The following PRPF18 variants were observed in gnomAD, a reference collection of about 807,000 sequenced individuals.
PRPF18 encodes the protein pre-mRNA processing factor 18, also known as pre-mRNA-splicing factor 18.
In PRPF18, 38 loss-of-function variants were observed where a neutral mutation model predicts 46.5. That is an observed-to-expected ratio of 0.82 (90% CI 0.63 to 1.07). The LOEUF is 1.07. PRPF18 is among the 50% of genes least tolerant of loss of function. The pLI is 0.00. For synonymous variants in PRPF18, 152 were observed against 146.7 expected (o/e 1.04, Z -0.26); for missense variants, 263 against 410.0 (o/e 0.64, Z 3.10).
the PRPF18 span, chr10:13,651,951 A>C: frequency 1.9e-6 from 3 of 1,596,936 alleles, no homozygotes; most frequent in Non-Finnish European, 2.6e-6. Context: ...CCCATCCAGA[A>C]TGGGTGAGTT....
At chr10:13,654,702 G>A in the PRPF18 span, 3 of 590,254 alleles carry the variant, frequency 5.1e-6, 1 homozygote, top group South Asian at 6.2e-5. Context: ...ATCTCTACAT[G>A]CCCCCCCAAC....
chr10:13,627,394 G>T (rs183391740), intron 9 of PRPF18, among the ~76,000 whole-genome samples: 2 of 152,208 alleles, frequency 1.3e-5, no homozygotes, highest in East Asian at 1.9e-4. Flanking sequence ...TTAGATAAGG[G>T]TATTGCCTTT....
the PRPF18 span, chr10:13,654,748 C>T: frequency 2.7e-5 from 15 of 555,598 alleles, no homozygotes; most frequent in Non-Finnish European, 4.8e-5. Context: ...CTACCCACTA[C>T]CATGCACCTT....
the PRPF18 span, chr10:13,654,493 C>T: frequency 6.2e-7 from 1 of 1,613,664 alleles, no homozygotes; most frequent in Non-Finnish European, 8.5e-7. Flanking sequence ...TCGAGCTTCT[C>T]TGGCTTTGAG....
the PRPF18 span, chr10:13,654,055 C>A: frequency 4.5e-6 from 2 of 440,270 alleles, no homozygotes; most frequent in Non-Finnish European, 8.0e-6. Context: ...CTCTCTTTCT[C>A]CCCCTGACAT....
chr10:13,643,280 C>A, the PRPF18 span: 1 of 152,192 alleles, frequency 6.6e-6, no homozygotes, highest in South Asian at 2.1e-4. Context: ...AAGACGATCC[C>A]TCAAAGCCTA....
the PRPF18 span, chr10:13,641,294 A>C: frequency 3.9e-5 from 6 of 152,292 alleles, no homozygotes; most frequent in East Asian, 1.2e-3. Context: ...GAAGGCCTGG[A>C]GTTGCCTGTA....
chr10:13,618,050 G>C (rs2080370927), intron 9 of PRPF18, among the ~76,000 whole-genome samples: 1 of 152,192 alleles, frequency 6.6e-6, no homozygotes, highest in Non-Finnish European at 1.5e-5. Flanking sequence ...AGAGATGTAT[G>C]TCAGGGGTCT....
At chr10:13,652,114 A>G in the PRPF18 span, 1 of 683,188 alleles carries the variant, frequency 1.5e-6, no homozygotes, top group Non-Finnish European at 2.7e-6. Flanking sequence ...GCAACAGATC[A>G]TACAAGTCAT....
intron 1 of PRPF18, among the ~76,000 whole-genome samples, chr10:13,587,660 C>T (rs1286015676): frequency 6.6e-6 from 1 of 152,218 alleles, no homozygotes; most frequent in African/African-American, 2.4e-5. Context: ...CAGACCGAAC[C>T]CTTCATCCAG....
At chr10:13,598,955 A>G (rs1485124181) in intron 2 of PRPF18, among the ~76,000 whole-genome samples, 1 of 152,224 alleles carries the variant, frequency 6.6e-6, no homozygotes, top group African/African-American at 2.4e-5. Context: ...GCCCTGAAGG[A>G]AAGTAATTAC....
chr10:13,600,589 CA>C (rs2080091494), intron 3 of PRPF18, among the ~76,000 whole-genome samples: 1 of 151,980 alleles, frequency 6.6e-6, no homozygotes, highest in Admixed American at 6.6e-5. Flanking sequence ...CATGAATATT[CA>C]AAAATAAGTA....
chr10:13,613,603 C>G, intron 6 of PRPF18, 138 bp from the exon 7 acceptor site: 1 of 965,320 alleles, frequency 1.0e-6, no homozygotes, highest in Non-Finnish European at 1.5e-6. Flanking sequence ...CTAGCTTATT[C>G]TATATTATTT....
At chr10:13,635,026 T>G (rs1325576374), downstream of PRPF18, among the ~76,000 whole-genome samples, 1 of 152,206 alleles carries the variant, frequency 6.6e-6, no homozygotes. Context: ...CTAGCTATTC[T>G]TCCTGATCCT....
Position 13,613,887 on chromosome 10 carries a change from G to A in PRPF18, c.720+6G>A. The A allele has an allele frequency of 1.3e-6, 2 of 1,594,782 alleles. No individual in the cohort carries two copies. The highest frequency in any genetic ancestry group is 1.7e-6 in the Non-Finnish European group (2 of 1,175,304). On this transcript the variant is annotated splice_donor_region_variant and intron_variant, in intron 7 of 9. Coordinates refer to ENST00000378572, the MANE Select transcript of PRPF18 (RefSeq NM_003675.4). ...TTAGAAAGCTACGGAAAAGGGTGAGGTTTCTTGGAAAATACTTTTTTTAAC... is the reference window on the plus strand; with the variant it reads ...TTAGAAAGCTACGGAAAAGGGTGAGATTTCTTGGAAAATACTTTTTTTAAC...
chr10:13,597,090 G>C (rs1242774099), intron 1 of PRPF18, among the ~76,000 whole-genome samples: 1 of 152,012 alleles, frequency 6.6e-6, no homozygotes, highest in African/African-American at 2.4e-5. Flanking sequence ...AAATAATTGA[G>C]GTATACCATT....
chr10:13,591,527 T>G lies in PRPF18; in HGVS notation c.66+4375T>G. ...CACAGATCGCAGGTAGTCCTGGAGCTTAGGAATAGCTTTGATTTTTGGTAA... is the reference window on the plus strand; with the variant it reads ...CACAGATCGCAGGTAGTCCTGGAGCGTAGGAATAGCTTTGATTTTTGGTAA... On this transcript the variant is annotated intron_variant, in intron 1 of 9. Coordinates refer to ENST00000378572, the MANE Select transcript of PRPF18 (RefSeq NM_003675.4). 4 of 724,380 alleles carry G rather than the reference T, an allele frequency of 5.5e-6. No individual in the cohort carries two copies. The South Asian group carries it at 5.7e-5, about 10-fold the overall frequency. 44.9% of individuals were successfully genotyped at this position (724,380 alleles called of 1,614,324 possible). A position where few individuals can be genotyped will look rare whatever the true frequency, so the allele number is the denominator to read the frequency against.
chr10:13,650,133 C>T, the PRPF18 span, among the ~76,000 whole-genome samples: 1 of 152,234 alleles, frequency 6.6e-6, no homozygotes, highest in Non-Finnish European at 1.5e-5. Context: ...AATTCACCCA[C>T]ATCTCACAGG....
chr10:13,616,475 C>G lies in PRPF18; in HGVS notation c.870C>G (p.Ala290=). ...GTGTCACTATGGTTGGTATCCATGC[C>G]AGAACTGGCAGAGAAAAGATTTTTT... is the stretch of plus-strand genomic sequence containing the variant. The part of the protein sequence containing the change: ...PIGVTMVGIH[A]RTGREKIFSK... The change falls in exon 9 of 10, where the codon GCC becomes GCG. Residue 290 remains alanine, a synonymous_variant. Coordinates refer to ENST00000378572, the MANE Select transcript of PRPF18 (RefSeq NM_003675.4). 2 of 1,613,814 alleles carry G rather than the reference C, an allele frequency of 1.2e-6. No homozygotes were observed. The highest frequency in any genetic ancestry group is 1.7e-6 in the Non-Finnish European group (2 of 1,179,780).
Sources: allele counts gnomAD v4.1 joint callset (sites outside exome capture counted in the v4.1 genomes callset), GRCh38; gene constraint gnomAD v4.1.1; transcripts MANE v1.5; gene names NCBI Gene and HGNC (gene_info 2026-07-23, HGNC 2026-07-21).